The following NLGN1 variants were observed in gnomAD, a reference collection of about 807,000 sequenced individuals.
NLGN1 encodes neuroligin-1.
Under a neutral mutation model 65.5 loss-of-function variants are expected in NLGN1, and 12 were observed. The observed-to-expected ratio is 0.18, with a 90% CI of 0.12 to 0.30. The LOEUF (loss-of-function observed/expected upper bound fraction) is 0.30, where lower values mean the gene tolerates loss of function less well. Among genes scored for constraint, NLGN1 ranks in the 10% least tolerant of loss-of-function variants. NLGN1 has a pLI of 1.00. For synonymous variants in NLGN1, 350 were observed against 359.5 expected, an observed-to-expected ratio of 0.97 and a Z score of 0.30; for missense variants, 750 against 1,007.1, an observed-to-expected ratio of 0.74 and a Z score of 3.46.
intron 4 of NLGN1, among the ~76,000 whole-genome samples, chr3:174,270,176 A>ATTTG (rs10547986): frequency 1.2e-5 from 1 of 86,620 alleles, no homozygotes; most frequent in Admixed American, 1.1e-4. Flanking sequence ...ATGTAGTCTT[A>ATTTG]TTTGTTTATT....
intron 1 of NLGN1, among the ~76,000 whole-genome samples, chr3:173,431,960 C>T (rs537934809): frequency 6.6e-6 from 1 of 152,146 alleles, no homozygotes; most frequent in South Asian, 2.1e-4. Context: ...TTAAAAATGT[C>T]GTATATCTGA....
chr3:173,677,897 C>T (rs543310536), intron 3 of NLGN1, among the ~76,000 whole-genome samples: 39 of 152,200 alleles, frequency 2.6e-4, no homozygotes, highest in African/African-American at 8.7e-4. Context: ...TGGGATTAAA[C>T]TTTGGGGCTA....
intron 3 of NLGN1, among the ~76,000 whole-genome samples, chr3:173,749,635 A>G (rs1381103256): frequency 6.6e-6 from 1 of 152,024 alleles, no homozygotes; most frequent in South Asian, 2.1e-4. Context: ...TTTATTCCAC[A>G]TGTAGAAATC....
chr3:173,683,299 C>G (rs1389494454), intron 3 of NLGN1, among the ~76,000 whole-genome samples: 1 of 152,048 alleles, frequency 6.6e-6, no homozygotes, highest in Non-Finnish European at 1.5e-5. Context: ...CTTCCTCTTC[C>G]CCCCATGGCA....
chr3:173,709,734 C>T (rs190995721), intron 3 of NLGN1, among the ~76,000 whole-genome samples: 20 of 133,010 alleles, frequency 1.5e-4, no homozygotes, highest in African/African-American at 5.2e-4. Context: ...ATCTGGGAGG[C>T]GGAGGTTGCA....
At chr3:173,989,712 A>G (rs1008111411) in intron 4 of NLGN1, among the ~76,000 whole-genome samples, 1 of 152,184 alleles carries the variant, frequency 6.6e-6, no homozygotes, top group African/African-American at 2.4e-5. Context: ...AGGTGCATCA[A>G]GTAGCTTAAT....
intron 2 of NLGN1, among the ~76,000 whole-genome samples, chr3:173,475,824 G>T (rs1224842461): frequency 6.6e-6 from 1 of 152,140 alleles, no homozygotes; most frequent in Non-Finnish European, 1.5e-5. Context: ...TTGCATTTGA[G>T]TCAGTTTCTA....
chr3:174,159,949 T>C lies in NLGN1; in HGVS notation c.647-115366T>C, dbSNP rs1372750519. On this transcript the variant is annotated intron_variant, in intron 4 of 6. Coordinates refer to ENST00000457714, the Ensembl canonical transcript of NLGN1. ...AGCCACAGCAGTATCATTTCATGAG[T>C]ACTTGAAGTGGGCCAGATGAAATCA... Among the ~76,000 whole-genome samples the C allele has an allele frequency of 5.9e-5, 9 of 151,790 alleles. No homozygotes were observed. In the Admixed American group the frequency reaches 5.9e-4, roughly 10 times the overall value.
intron 4 of NLGN1, among the ~76,000 whole-genome samples, chr3:173,956,342 T>A (rs1383519557): frequency 6.6e-6 from 1 of 152,168 alleles, no homozygotes; most frequent in African/African-American, 2.4e-5. Flanking sequence ...TGTTTGAAAT[T>A]GACCAAAAGG....
chr3:173,939,763 A>G (rs1447849095), intron 4 of NLGN1, among the ~76,000 whole-genome samples: 2 of 152,134 alleles, frequency 1.3e-5, no homozygotes, highest in Non-Finnish European at 2.9e-5. Context: ...ATAATGAAAC[A>G]AGCCTTTTAT....
chr3:174,289,573 T>A (rs554758058), downstream of NLGN1, among the ~76,000 whole-genome samples: 3 of 151,296 alleles, frequency 2.0e-5, no homozygotes, highest in East Asian at 5.9e-4. Flanking sequence ...AATTTCTGGG[T>A]TCCTGGTGCA....
intron 4 of NLGN1, among the ~76,000 whole-genome samples, chr3:173,872,795 A>G (rs146617719): frequency 4.7e-4 from 71 of 152,288 alleles, no homozygotes; most frequent in African/African-American, 1.6e-3. Flanking sequence ...TTAATCTACT[A>G]AGTATCCATA....
chr3:173,960,497 T>C (rs1357850970), intron 4 of NLGN1, among the ~76,000 whole-genome samples: 1 of 152,006 alleles, frequency 6.6e-6, no homozygotes, highest in Non-Finnish European at 1.5e-5. Flanking sequence ...GTTACAATTA[T>C]ATTACTAATT....
intron 4 of NLGN1, among the ~76,000 whole-genome samples, chr3:174,187,449 T>C (rs1347833235): frequency 6.6e-6 from 1 of 152,044 alleles, no homozygotes; most frequent in Non-Finnish European, 1.5e-5. Flanking sequence ...GTTTTGTCCC[T>C]GGCACACACA....
rs967713621 is a variant in NLGN1 at position 173,581,420 on chromosome 3, G to A, written c.-320-22859G>A. On this transcript the variant is annotated intron_variant, in intron 2 of 6. Transcript: ENST00000457714. The stretch of plus-strand genomic sequence containing the variant: ...TCAGCTTATGGCTACTCTGGCTTTG[G>A]TAGTTTTTAGTTAACTGGTCAGACT... 1.8e-4 allele frequency among the ~76,000 whole-genome samples: 27 copies of A among 151,934 alleles called. 1 individual carries two copies. The highest frequency in any genetic ancestry group is 5.8e-4 in the African/African-American group (24 of 41,386).
At chr3:174,176,877 A>AC (rs745818628) in intron 4 of NLGN1, among the ~76,000 whole-genome samples, 10 of 152,050 alleles carry the variant, frequency 6.6e-5, no homozygotes, top group Non-Finnish European at 1.3e-4. Flanking sequence ...ACTGAAAGGA[A>AC]CAAGTAGGGG....
At chr3:174,046,609 A>G (rs1202758844) in intron 4 of NLGN1, among the ~76,000 whole-genome samples, 1 of 152,148 alleles carries the variant, frequency 6.6e-6, no homozygotes, top group Non-Finnish European at 1.5e-5. Context: ...AGGAATAAAG[A>G]TAACAATCTC....
chr3:173,929,767 C>T (rs1249693451), intron 4 of NLGN1, among the ~76,000 whole-genome samples: 1 of 150,826 alleles, frequency 6.6e-6, no homozygotes, highest in Non-Finnish European at 1.5e-5. Flanking sequence ...TGCAATGGCA[C>T]GATCTTGGCT....
chr3:173,767,631 T>C (rs1175140213), intron 3 of NLGN1, among the ~76,000 whole-genome samples: 1 of 152,098 alleles, frequency 6.6e-6, no homozygotes, highest in Non-Finnish European at 1.5e-5. Context: ...GCCAATTCAT[T>C]GAATAGTGCA....
Sources: gnomAD v4.1 joint callset for allele counts (sites outside exome capture counted in the v4.1 genomes callset) on GRCh38, gnomAD v4.1.1 for gene constraint, MANE v1.5 for transcripts, NCBI Gene and HGNC (gene_info 2026-07-23, HGNC 2026-07-21) for gene names.